Variants in PCDHA7 observed in about 807,000 individuals in gnomAD.
The protein encoded by PCDHA7 is protocadherin alpha 7, also known as protocadherin alpha-7.
In PCDHA7, 37 loss-of-function variants were observed where a neutral mutation model predicts 57.2. That is an observed-to-expected ratio of 0.65 (90% CI 0.50 to 0.85). The LOEUF (loss-of-function observed/expected upper bound fraction) is 0.85, where lower values mean the gene tolerates loss of function less well. PCDHA7 is among the 40% of genes least tolerant of loss of function. PCDHA7 has a pLI of 0.00. For missense variants in PCDHA7, 1,188 were observed against 1,241.8 expected (o/e 0.96, Z 0.65); for synonymous variants, 553 against 558.8 (o/e 0.99, Z 0.15).
At chr5:140,924,662 A>C (rs891233024) in intron 1 of PCDHA7, among the ~76,000 whole-genome samples, 6 of 152,166 alleles carry the variant, frequency 3.9e-5, no homozygotes, top group Non-Finnish European at 5.9e-5. Flanking sequence ...TGGGAGGCCG[A>C]GGCAGGCCAA....
chr5:140,844,476 CTA>C (rs2150371659), intron 1 of PCDHA7, among the ~76,000 whole-genome samples: 3,169 of 149,252 alleles, frequency 0.021, 219 homozygotes, highest in African/African-American at 0.04. Context: ...TTTTGAGCCT[CTA>C]TGTTTAGGAA....
rs1305533270 is a variant in PCDHA7, at chr5:141,000,401, A to C, written c.2504-9226A>C. Among the ~76,000 whole-genome samples the C allele has an allele frequency of 8.1e-3, 613 of 75,996 alleles. 4 individuals are homozygous for C. The highest frequency in any genetic ancestry group is 0.017 in the East Asian group (44 of 2,548). The allele number at this position is 75,996 out of a possible 152,430, so 49.9% of individuals were successfully genotyped here. A position where few individuals can be genotyped will look rare whatever the true frequency, so the allele number is the denominator to read the frequency against. On this transcript the variant is annotated intron_variant, in intron 3 of 3. Transcript: ENST00000525929. Reference sequence around the variant, plus strand: ...TCTCTCTCTCTCTCTCTCTCTATATATATATATATATATATATATATTTTT... The same window carrying C: ...TCTCTCTCTCTCTCTCTCTCTATATCTATATATATATATATATATATTTTT...
chr5:140,877,516 G>A, intron 1 of PCDHA7: 1 of 1,613,816 alleles, frequency 6.2e-7, no homozygotes, highest in Non-Finnish European at 8.5e-7. Flanking sequence ...GTCGTCGCGG[G>A]CCTCAGTGGG....
At chr5:140,870,277 G>T (rs367959983) in intron 1 of PCDHA7, 4 of 1,614,168 alleles carry the variant, frequency 2.5e-6, no homozygotes, top group Non-Finnish European at 3.4e-6. Context: ...GACGCCCCAC[G>T]TTCCCTTCAA....
In PCDHA7 at chr5:140,875,548, G is replaced by A. The variant is rs782463775; in HGVS notation, c.2355+38810G>A. On this transcript the variant is annotated intron_variant, in intron 1 of 3. Coordinates refer to ENST00000525929, the MANE Select transcript of PCDHA7 (RefSeq NM_018910.3). ...GCTTCTGCTCCTTGCAGCCTGGGAG[G>A]TGGGGAGCGGCCAGCTCCACTACTC... 24 of 1,614,054 alleles carry A rather than the reference G, an allele frequency of 1.5e-5. 1 individual carries two copies. The Admixed American group carries it at 3.5e-4, about 24-fold the overall frequency.
intron 1 of PCDHA7, chr5:140,857,545 C>A (rs782516369): frequency 6.3e-7 from 1 of 1,596,810 alleles, no homozygotes; most frequent in African/African-American, 1.3e-5. Flanking sequence ...GGCGGTTGGG[C>A]GAGCGCTCGC....
At chr5:140,994,657 A>G (rs2097643468) in intron 3 of PCDHA7, among the ~76,000 whole-genome samples, 1 of 152,166 alleles carries the variant, frequency 6.6e-6, no homozygotes, top group Non-Finnish European at 1.5e-5. Flanking sequence ...GTGAGCTGAG[A>G]TCACACTACT....
At chr5:140,848,403 G>A (rs1052101954) in intron 1 of PCDHA7, 4 of 1,316,724 alleles carry the variant, frequency 3.0e-6, no homozygotes. Context: ...GCTGAACGAT[G>A]GCGAACACAG....
Position 140,841,181 on chromosome 5 carries a change from CAA to C in PCDHA7, c.2355+4445_2355+4446del, listed in dbSNP as rs1777074399. The C allele has an allele frequency of 1.0e-5, 12 of 1,156,490 alleles. 1 individual carries two copies. The highest frequency in any genetic ancestry group is 1.6e-5 in the South Asian group (1 of 61,808). 71.6% of individuals were successfully genotyped at this position (1,156,490 alleles called of 1,614,324 possible). On this transcript the variant is annotated intron_variant, in intron 1 of 3. Transcript: ENST00000525929. ...CAAGAAGTTCTGGTTGGTCAATGTTCAAAGTCTTTTCTCTGACAGCATCTGTC... is the reference window on the plus strand; with the variant it reads ...CAAGAAGTTCTGGTTGGTCAATGTTCAGTCTTTTCTCTGACAGCATCTGTC...
intron 1 of PCDHA7, among the ~76,000 whole-genome samples, chr5:140,944,948 A>T (rs1425847139): frequency 6.6e-6 from 1 of 152,200 alleles, no homozygotes; most frequent in African/African-American, 2.4e-5. Context: ...ATGATTGTGA[A>T]TAAGAGTATT....
In PCDHA7 at chr5:140,835,797, T is replaced by C. The variant is rs145155815; in HGVS notation, c.1414T>C (p.Cys472Arg). ...CGTGAAGGAGAACAACCCGCCGGGC[T>C]GCCACATCTTCACTGTGTCGGCGGG... ...VFVKENNPPG[C>R]HIFTVSAGDA... The change falls in exon 1 of 4, where the codon TGC becomes CGC. Residue 472 changes from cysteine (C) to arginine (R), a missense_variant. Around this residue, in one of 3 missense-constraint regions of PCDHA7, gnomAD observed 892 missense variants for 788.5 expected, o/e 1.13. Coordinates refer to ENST00000525929, the MANE Select transcript of PCDHA7 (RefSeq NM_018910.3). 2.2e-3 allele frequency: 3,620 copies of C among 1,613,086 alleles called. 43 individuals carry two copies. Among genetic ancestry groups the C allele is most frequent in the Middle Eastern group, 8.4e-3 (47 of 5,592 alleles).
Position 140,836,027 on chromosome 5 carries a change from C to T in PCDHA7, c.1644C>T (p.Asn548=), listed in dbSNP as rs2150251000. The T allele has an allele frequency of 2.5e-6, 4 of 1,613,456 alleles. No individual in the cohort carries two copies. Among genetic ancestry groups the T allele is most frequent in the East Asian group, 4.5e-5 (2 of 44,856 alleles). The change falls in exon 1 of 4, where the codon AAC becomes AAT. Residue 548 remains asparagine (N), a synonymous_variant. Transcript: ENST00000525929. ...RDAGVPPLGS[N]VTLQVFVLDE... is the part of the protein sequence containing the mutation. ...CGGGCGTGCCGCCTCTGGGCAGCAA[C>T]GTGACGCTGCAGGTGTTCGTGCTGG... is the stretch of plus-strand genomic sequence containing the variant.
At chr5:140,846,180 G>A (rs1196711565) in intron 1 of PCDHA7, among the ~76,000 whole-genome samples, 4 of 149,348 alleles carry the variant, frequency 2.7e-5, no homozygotes, top group East Asian at 1.9e-4. Context: ...CTGAGTAGGC[G>A]TTTGAGTTCT....
chr5:140,978,150 C>T (rs1009630892), intron 1 of PCDHA7, among the ~76,000 whole-genome samples: 2 of 152,286 alleles, frequency 1.3e-5, no homozygotes, highest in South Asian at 4.2e-4. Context: ...TTGTTCTCCC[C>T]CTTCAGACTG....
chr5:140,870,566 T>C (rs1554164425), intron 1 of PCDHA7: 7 of 1,613,980 alleles, frequency 4.3e-6, no homozygotes, highest in Admixed American at 3.3e-5. Flanking sequence ...GAGAACGCGC[T>C]GGTGTCCTAC....
At chr5:140,865,318 CT>C (rs1554159374) in intron 1 of PCDHA7, 1 of 152,042 alleles carries the variant, frequency 6.6e-6, no homozygotes, top group Non-Finnish European at 1.5e-5. Flanking sequence ...ATGAGATGGC[CT>C]TTAATTCTGT....
At position 140,836,054 on chromosome 5, in the gene PCDHA7, C is replaced by A. The variant is rs2150251582; in HGVS notation, c.1671C>A (p.Asp557Glu). 2.2e-5 allele frequency: 36 copies of A among 1,613,478 alleles called. No homozygotes were observed. Among genetic ancestry groups the A allele is most frequent in the Admixed American group, 3.3e-5 (2 of 59,984 alleles). Residue 557 changes from aspartate to glutamate, a missense_variant, in exon 1 of 4, where the codon GAC becomes GAA. Asp to Glu is a conservative substitution (Grantham distance 45, BLOSUM62 2). This residue lies in a region of PCDHA7 where 892 missense variants were observed against 788.5 expected (regional missense o/e 1.13). Transcript: ENST00000525929. The stretch of plus-strand genomic sequence containing the variant: ...TGACGCTGCAGGTGTTCGTGCTGGA[C>A]GAGAACGACAACGCGCCGGCACTGC... ...SNVTLQVFVL[D>E]ENDNAPALLA...
At chr5:140,962,348 C>T (rs2095675606) in intron 1 of PCDHA7, among the ~76,000 whole-genome samples, 1 of 152,130 alleles carries the variant, frequency 6.6e-6, no homozygotes, top group South Asian at 2.1e-4. Flanking sequence ...AGTAAAACTC[C>T]CCCCAATACT....
At chr5:140,927,004 A>C (rs1194923615) in intron 1 of PCDHA7, 1 of 1,612,238 alleles carries the variant, frequency 6.2e-7, no homozygotes, top group Non-Finnish European at 8.5e-7. Flanking sequence ...AGCCGTAGGC[A>C]ATCTCTCCGC....
Sources: allele counts gnomAD v4.1 joint callset (sites outside exome capture counted in the v4.1 genomes callset), GRCh38; gene constraint gnomAD v4.1.1; regional missense constraint gnomAD v4.1.1; transcripts MANE v1.5; gene names NCBI Gene and HGNC (gene_info 2026-07-23, HGNC 2026-07-21).